PRDM16: variants seen among roughly 807,000 people sequenced by gnomAD.
PRDM16 encodes histone-lysine N-methyltransferase PRDM16.
A neutral mutation model predicts 110.6 loss-of-function variants in PRDM16; 23 were observed. The observed-to-expected ratio is 0.21, with a 90% CI of 0.15 to 0.29. PRDM16 has a LOEUF of 0.29. Ranked by LOEUF, PRDM16 falls within the 10% of genes least tolerant of loss-of-function variation. The probability of loss-of-function intolerance (pLI) is 1.00; values close to 1 mark genes in which losing one functional copy is unlikely to be tolerated. For synonymous variants in PRDM16, 799 were observed against 781.8 expected, an observed-to-expected ratio of 1.02 and a Z score of -0.37; for missense variants, 1,615 against 1,794.3, an observed-to-expected ratio of 0.90 and a Z score of 1.81.
intron 1 of PRDM16, among the ~76,000 whole-genome samples, chr1:3,076,015 C>G (rs1308233963): frequency 6.6e-6 from 1 of 152,220 alleles, no homozygotes; most frequent in Non-Finnish European, 1.5e-5. Flanking sequence ...GTGCCCACTT[C>G]AAATGTGCAG....
At chr1:3,114,984 C>T (rs994824889) in intron 1 of PRDM16, among the ~76,000 whole-genome samples, 2 of 152,274 alleles carry the variant, frequency 1.3e-5, no homozygotes, top group Admixed American at 6.5e-5. Context: ...TGGGCCCACC[C>T]CACCCCTGGC....
chr1:3,164,835 C>G (rs777192598), intron 1 of PRDM16, among the ~76,000 whole-genome samples: 1 of 152,166 alleles, frequency 6.6e-6, no homozygotes. Context: ...CCGCCCAGCC[C>G]GCCTCCGTTC....
At chr1:3,085,571 G>T (rs1642129597) in intron 1 of PRDM16, among the ~76,000 whole-genome samples, 1 of 152,234 alleles carries the variant, frequency 6.6e-6, no homozygotes, top group African/African-American at 2.4e-5. Context: ...GGCTCCTCCT[G>T]GGCCTCTCTG....
At chr1:3,176,482 G>A (rs1644091551) in intron 1 of PRDM16, among the ~76,000 whole-genome samples, 2 of 132,938 alleles carry the variant, frequency 1.5e-5, no homozygotes, top group African/African-American at 5.7e-5. Flanking sequence ...ACACCAGGCT[G>A]CATCCATCCA....
intron 3 of PRDM16, among the ~76,000 whole-genome samples, chr1:3,275,991 C>A (rs1451010796): frequency 1.3e-5 from 2 of 152,230 alleles, no homozygotes; most frequent in African/African-American, 4.8e-5. Context: ...GTGCCTGCTG[C>A]GGCCTCCCCG....
At chr1:3,340,970 G>A (rs1411822534) in intron 3 of PRDM16, among the ~76,000 whole-genome samples, 2 of 152,210 alleles carry the variant, frequency 1.3e-5, no homozygotes, top group Admixed American at 1.3e-4. Flanking sequence ...GCTGACCCCA[G>A]CGCACCTTCC....
chr1:3,256,580 C>T (rs1393886885), intron 3 of PRDM16, among the ~76,000 whole-genome samples: 9 of 152,160 alleles, frequency 5.9e-5, no homozygotes, highest in Non-Finnish European at 1.3e-4. Context: ...AGTCTTCGGT[C>T]GGGCGTGGTG....
Position 3,264,404 on chromosome 1 carries a change from T to C in PRDM16, c.438+20267T>C, listed in dbSNP as rs958474000. 2.5e-4 allele frequency among the ~76,000 whole-genome samples: 31 copies of C among 125,618 alleles called. 1 individual carries two copies. Among genetic ancestry groups the C allele is most frequent in the Admixed American group, 1.8e-3 (22 of 12,180 alleles). The allele number at this position is 125,618 out of a possible 152,430, so 82.4% of individuals were successfully genotyped here. On this transcript the variant is annotated intron_variant, in intron 3 of 16. Transcript: ENST00000270722. ...AGGAGGGGAGGAAAGGGGAGAGGCA[T>C]AGAGGAGCATCCGAGGACCCTAGGC...
chr1:3,405,691 G>A (rs755999342), intron 8 of PRDM16, 43 bp downstream of exon 8: 56 of 1,510,256 alleles, frequency 3.7e-5, no homozygotes, highest in Middle Eastern at 1.8e-4. Context: ...CCGGGTGCGC[G>A]GATGCCGTGG....
chr1:3,431,197 G>C, intron 15 of PRDM16, 89 bp downstream of exon 15: 1 of 1,491,800 alleles, frequency 6.7e-7, no homozygotes, highest in Non-Finnish European at 8.9e-7. Flanking sequence ...CCACTCGTGA[G>C]CCCATCCCTG....
intron 1 of PRDM16, among the ~76,000 whole-genome samples, chr1:3,100,180 G>C (rs919033444): frequency 1.3e-5 from 2 of 152,140 alleles, no homozygotes; most frequent in African/African-American, 4.8e-5. Context: ...GGCTGGAGAG[G>C]TGGGGACCAG....
chr1:3,406,013 G>A (rs903186830), intron 8 of PRDM16, among the ~76,000 whole-genome samples: 5 of 152,192 alleles, frequency 3.3e-5, no homozygotes, highest in African/African-American at 7.2e-5. Flanking sequence ...CACCTGTGCC[G>A]AGCTCCAGAA....
intron 3 of PRDM16, among the ~76,000 whole-genome samples, chr1:3,257,082 G>T (rs796986186): frequency 2.6e-5 from 4 of 152,316 alleles, no homozygotes; most frequent in African/African-American, 9.6e-5. Context: ...GACGCACGTA[G>T]GGCTGTGCTG....
Position 3,412,589 on chromosome 1 carries a change from G to C in PRDM16, c.2392G>C (p.Gly798Arg), listed in dbSNP as rs371920642. 2 of 1,603,864 alleles carry C rather than the reference G, an allele frequency of 1.2e-6. No individual in the cohort carries two copies. Among genetic ancestry groups the C allele is most frequent in the South Asian group, 2.2e-5 (2 of 90,782 alleles). ...CAAGGGCCCCTCGGCCCCCGCATCC[G>C]GCGAGGAGCAGCCGCTGGACCTGAG... Reference protein sequence around the residue: ...MPKGPSAPASGEEQPLDLSIG... With the variant: ...MPKGPSAPASREEQPLDLSIG... Residue 798 changes from glycine to arginine, a missense_variant, in exon 9 of 17, where the codon GGC becomes CGC. Physicochemically the swap from Gly to Arg is moderately radical, Grantham distance 125. This residue lies in a region of PRDM16 where 772 missense variants were observed against 748.3 expected (regional missense o/e 1.03). Coordinates refer to ENST00000270722, the MANE Select transcript of PRDM16 (RefSeq NM_022114.4).
chr1:3,341,026 G>A (rs1642259749), intron 3 of PRDM16, among the ~76,000 whole-genome samples: 1 of 151,850 alleles, frequency 6.6e-6, no homozygotes, highest in South Asian at 2.1e-4. Context: ...GGAGGGGGAT[G>A]TGTCCAACCC....
chr1:3,165,538 T>A (rs1643943494), intron 1 of PRDM16, among the ~76,000 whole-genome samples: 2 of 114,438 alleles, frequency 1.7e-5, no homozygotes, highest in Admixed American at 8.2e-5. Flanking sequence ...GTGACTCACC[T>A]GGGCTCAGGG....
At chr1:3,298,850 T>G (rs1341551880) in intron 3 of PRDM16, among the ~76,000 whole-genome samples, 1 of 152,186 alleles carries the variant, frequency 6.6e-6, no homozygotes, top group Non-Finnish European at 1.5e-5. Flanking sequence ...CAAAAAGAGC[T>G]TTTGTCTTTG....
At chr1:3,337,029 CTG>C (rs1260704063) in intron 3 of PRDM16, among the ~76,000 whole-genome samples, 14 of 149,418 alleles carry the variant, frequency 9.4e-5, no homozygotes, top group Admixed American at 2.0e-4. Context: ...TGGAGTGAGT[CTG>C]TGTGTGCACA....
chr1:3,268,599 T>TA (rs1041933907), intron 3 of PRDM16, among the ~76,000 whole-genome samples: 1 of 151,964 alleles, frequency 6.6e-6, no homozygotes, highest in Non-Finnish European at 1.5e-5. Flanking sequence ...ATAGCTAGCT[T>TA]AAAAAAATCC....
Sources: allele counts gnomAD v4.1 joint callset (sites outside exome capture counted in the v4.1 genomes callset), GRCh38; gene constraint gnomAD v4.1.1; regional missense constraint gnomAD v4.1.1; transcripts MANE v1.5; gene names NCBI Gene and HGNC (gene_info 2026-07-23, HGNC 2026-07-21).